SMIM31: variants seen among roughly 807,000 people sequenced by gnomAD.
The protein encoded by SMIM31 is human epithelial cell program regulator.
intron 1 of SMIM31, among the ~76,000 whole-genome samples, chr4:164,758,542 G>T (rs1732597288): frequency 6.6e-6 from 1 of 151,624 alleles, no homozygotes; most frequent in Admixed American, 6.6e-5. Flanking sequence ...CACCTTTCTG[G>T]GCATTTTTAT....
chr4:164,762,534 G>A (rs1016930178), intron 1 of SMIM31, among the ~76,000 whole-genome samples: 2 of 151,736 alleles, frequency 1.3e-5, no homozygotes, highest in African/African-American at 2.4e-5. Flanking sequence ...CTGGGCAACA[G>A]GGTGAAACCC....
Position 164,764,016 on chromosome 4 carries a change from T to C in SMIM31, c.-25-6403T>C, listed in dbSNP as rs72694080. Among the ~76,000 whole-genome samples the C allele has an allele frequency of 1.3e-5, 2 of 152,170 alleles. 1 individual carries two copies. Among genetic ancestry groups the C allele is most frequent in the Non-Finnish European group, 2.9e-5 (2 of 68,016 alleles). On this transcript the variant is annotated intron_variant, in intron 1 of 2. Coordinates refer to ENST00000507311, the MANE Select transcript of SMIM31 (RefSeq NM_001352885.1). ...CCAAAATTCTTCAACATATTATTTATAATAGTATATTTATAATCACAAAAA... is the reference window on the plus strand; with the variant it reads ...CCAAAATTCTTCAACATATTATTTACAATAGTATATTTATAATCACAAAAA...
chr4:164,792,084 A>G (rs570895120), intron 2 of SMIM31, among the ~76,000 whole-genome samples: 1 of 152,226 alleles, frequency 6.6e-6, no homozygotes, highest in East Asian at 1.9e-4. Flanking sequence ...TTTAATGTGC[A>G]TTTGATTCCC....
At chr4:164,788,073 A>G (rs1235740697) in intron 2 of SMIM31, among the ~76,000 whole-genome samples, 1 of 152,196 alleles carries the variant, frequency 6.6e-6, no homozygotes, top group Non-Finnish European at 1.5e-5. Context: ...GACTGCAGAA[A>G]TGTTTCTCAG....
rs762490755 is a variant in SMIM31 at position 164,801,318 on chromosome 4, C to T, written c.*124C>T. ...GTTAAAATCACTTACTGATTAAACACGATGATAATAACCATTAATGAACTC... is the reference window on the plus strand; with the variant it reads ...GTTAAAATCACTTACTGATTAAACATGATGATAATAACCATTAATGAACTC... On this transcript the variant is annotated 3_prime_UTR_variant, in exon 3 of 3. Coordinates refer to ENST00000507311, the MANE Select transcript of SMIM31 (RefSeq NM_001352885.1). 1.3e-5 allele frequency: 5 copies of T among 393,868 alleles called. No homozygotes were observed. The highest frequency in any genetic ancestry group is 6.3e-4 in the Middle Eastern group (1 of 1,588). The allele number at this position is 393,868 out of a possible 1,614,324, so 24.4% of individuals were successfully genotyped here.
At chr4:164,787,662 G>GATA (rs1733043137) in intron 2 of SMIM31, among the ~76,000 whole-genome samples, 1 of 151,218 alleles carries the variant, frequency 6.6e-6, no homozygotes, top group Non-Finnish European at 1.5e-5. Flanking sequence ...ACTTTACTTG[G>GATA]ATAATGGAAA....
intron 1 of SMIM31, among the ~76,000 whole-genome samples, chr4:164,758,668 C>G (rs1732601634): frequency 8.3e-6 from 1 of 120,634 alleles, no homozygotes; most frequent in Non-Finnish European, 1.6e-5. Context: ...GAGTCTCGCT[C>G]TGTCCCCCAG....
chr4:164,762,693 A>G (rs1449915690), intron 1 of SMIM31, among the ~76,000 whole-genome samples: 2 of 151,592 alleles, frequency 1.3e-5, no homozygotes, highest in Non-Finnish European at 2.9e-5. Flanking sequence ...AGAAAAAGAA[A>G]AAGAAAAAGA....
chr4:164,754,528 A>G (rs961311053), intron 1 of SMIM31, 117 bp downstream of exon 1: 34 of 94,168 alleles, frequency 3.6e-4, no homozygotes, highest in Admixed American at 1.7e-3. Context: ...AAGAAATTTT[A>G]CTTATTGTTC....
intron 2 of SMIM31, among the ~76,000 whole-genome samples, chr4:164,797,539 C>T (rs1733216713): frequency 6.7e-6 from 1 of 149,718 alleles, no homozygotes; most frequent in Non-Finnish European, 1.5e-5. Context: ...TCTTGGCTCA[C>T]TGAAACATCG....
At chr4:164,788,478 C>CTTTTTCTTTTTTTTTTTTTTTTTTTTTTT (rs1733056135) in intron 2 of SMIM31, among the ~76,000 whole-genome samples, 2 of 58,164 alleles carry the variant, frequency 3.4e-5, no homozygotes, top group African/African-American at 1.4e-4. Flanking sequence ...TCTAATTTTT[C>CTTTTTCTTTTTTTTTTTTTTTTTTTTTTT]TTTTTTTTTT....
In SMIM31 at chr4:164,788,560, G is replaced by C. The variant is rs983860578; in HGVS notation, c.113-12531G>C. ...ACTGGAGTGCAATGGCGCAATCTCGGCTCACAGCAACTTCCGCCTCCCTGG... is the reference window on the plus strand; with the variant it reads ...ACTGGAGTGCAATGGCGCAATCTCGCCTCACAGCAACTTCCGCCTCCCTGG... On this transcript the variant is annotated intron_variant, in intron 2 of 2. Transcript: ENST00000507311. 9.8e-5 allele frequency among the ~76,000 whole-genome samples: 13 copies of C among 132,686 alleles called. 1 individual carries two copies. Among genetic ancestry groups the C allele is most frequent in the African/African-American group, 3.3e-4 (11 of 33,352 alleles). 87.0% of individuals were successfully genotyped at this position (132,686 alleles called of 152,430 possible). A position where few individuals can be genotyped will look rare whatever the true frequency, so the allele number is the denominator to read the frequency against.
At chr4:164,772,588 T>TTATTTTTC (rs1259394023) in intron 2 of SMIM31, among the ~76,000 whole-genome samples, 1 of 126,134 alleles carries the variant, frequency 7.9e-6, no homozygotes, top group Non-Finnish European at 1.8e-5. Context: ...TTATTTTATT[T>TTATTTTTC]TTTTTTTTGA....
At chr4:164,772,649 A>T (rs376865418) in intron 2 of SMIM31, among the ~76,000 whole-genome samples, 1 of 148,400 alleles carries the variant, frequency 6.7e-6, no homozygotes, top group Non-Finnish European at 1.5e-5. Context: ...CGCGATCTCG[A>T]CTCACTGCAA....
chr4:164,797,165 C>T (rs1733208372), intron 2 of SMIM31, among the ~76,000 whole-genome samples: 1 of 152,164 alleles, frequency 6.6e-6, no homozygotes, highest in African/African-American at 2.4e-5. Context: ...TTACGCTCAC[C>T]ACATCATTTA....
At chr4:164,778,590 CA>C (rs1166526374) in intron 2 of SMIM31, among the ~76,000 whole-genome samples, 1 of 152,170 alleles carries the variant, frequency 6.6e-6, no homozygotes, top group East Asian at 1.9e-4. Context: ...AAGCACTTAA[CA>C]TATTTAAGCC....
At chr4:164,778,195 C>G (rs1732902128) in intron 2 of SMIM31, among the ~76,000 whole-genome samples, 1 of 152,070 alleles carries the variant, frequency 6.6e-6, no homozygotes, top group African/African-American at 2.4e-5. Context: ...TGAGATCAGC[C>G]TGGGCAACAT....
chr4:164,762,662 CA>C (rs1162067333), intron 1 of SMIM31, among the ~76,000 whole-genome samples: 36,713 of 100,196 alleles, frequency 0.37, 4,149 homozygotes, highest in Admixed American at 0.47. Context: ...GACTCTGTCT[CA>C]AAAAAAAAAA....
intron 1 of SMIM31, among the ~76,000 whole-genome samples, chr4:164,762,184 C>T (rs1201664967): frequency 2.0e-5 from 3 of 152,146 alleles, no homozygotes; most frequent in Non-Finnish European, 4.4e-5. Flanking sequence ...AAGCTTATGA[C>T]TGAAAGGGGA....
Sources: allele counts gnomAD v4.1 joint callset (sites outside exome capture counted in the v4.1 genomes callset), GRCh38; gene constraint gnomAD v4.1.1; transcripts MANE v1.5; gene names NCBI Gene and HGNC (gene_info 2026-07-23, HGNC 2026-07-21).